The following KANK1 variants were observed in gnomAD, a reference collection of about 807,000 sequenced individuals.
The protein encoded by KANK1 is KN motif and ankyrin repeat domains 1, also known as KN motif and ankyrin repeat domain-containing protein 1.
A neutral mutation model predicts 106.2 loss-of-function variants in KANK1; 109 were observed. The ratio of observed to expected loss-of-function variants is 1.03; its 90% confidence interval spans 0.88 to 1.20. The LOEUF is 1.20. KANK1 is among the 50% of genes most tolerant of loss of function. KANK1 has a pLI of 0.00. For missense variants in KANK1, 2,399 were observed against 1,710.7 expected (o/e 1.40, Z -7.10); for synonymous variants, 873 against 652.2 (o/e 1.34, Z -5.16).
chr9:503,001 ATTTTTTTTTTTTTT>A (rs35195436), upstream of KANK1, among the ~76,000 whole-genome samples: 13 of 70,254 alleles, frequency 1.9e-4, no homozygotes, highest in African/African-American at 5.3e-4. Flanking sequence ...CGCCCAGCTG[ATTTTTTTTTTTTTT>A]TTTTTTTTTT....
intron 2 of KANK1, among the ~76,000 whole-genome samples, chr9:680,393 C>T (rs1817304174): frequency 6.6e-6 from 1 of 152,098 alleles, no homozygotes; most frequent in Non-Finnish European, 1.5e-5. Flanking sequence ...TGGAGTCCCT[C>T]ACGGAGGCTG....
At chr9:648,584 A>G (rs1474122876) in intron 1 of KANK1, among the ~76,000 whole-genome samples, 1 of 152,204 alleles carries the variant, frequency 6.6e-6, no homozygotes, top group Non-Finnish European at 1.5e-5. Flanking sequence ...TGACATCATC[A>G]TCGTACTTGC....
intron 1 of KANK1, among the ~76,000 whole-genome samples, chr9:675,418 G>A (rs941691091): frequency 1.3e-5 from 2 of 152,118 alleles, no homozygotes; most frequent in Non-Finnish European, 2.9e-5. Context: ...AATGGAAATG[G>A]GATTTCTATA....
chr9:573,562 G>T (rs985115762), intron 1 of KANK1, among the ~76,000 whole-genome samples: 1 of 152,094 alleles, frequency 6.6e-6, no homozygotes, highest in Non-Finnish European at 1.5e-5. Context: ...GAGCCACCGC[G>T]CCCGGTCAAG....
At chr9:623,909 C>G (rs570172456) in intron 1 of KANK1, among the ~76,000 whole-genome samples, 1 of 152,028 alleles carries the variant, frequency 6.6e-6, no homozygotes, top group East Asian at 1.9e-4. Flanking sequence ...ATTAGTATGT[C>G]AAAGAGATAT....
intron 1 of KANK1, among the ~76,000 whole-genome samples, chr9:542,107 G>GGACAAAAAAAAAAAATGAACAA (rs2060639554): frequency 6.6e-6 from 1 of 151,586 alleles, no homozygotes; most frequent in African/African-American, 2.4e-5. Flanking sequence ...AAAATGAACA[G>GGACAAAAAAAAAAAATGAACAA]AGGACCTTAA....
chr9:484,926 T>C (rs2132218885), intron 3 of KANK1, among the ~76,000 whole-genome samples: 1 of 143,026 alleles, frequency 7.0e-6, no homozygotes, highest in East Asian at 1.9e-4. Context: ...ACATCTGCCA[T>C]GGAGAATGCA....
chr9:515,754 T>G (rs1347693396), intron 1 of KANK1, among the ~76,000 whole-genome samples: 1 of 151,792 alleles, frequency 6.6e-6, no homozygotes, highest in Non-Finnish European at 1.5e-5. Context: ...TTTTAAAGGG[T>G]TTTAAAAAGG....
chr9:691,611 A>ATTTTTTTTTTTTTT lies in KANK1; in HGVS notation c.37+14608_37+14621dup, dbSNP rs767618077. On this transcript the variant is annotated intron_variant, in intron 2 of 11. Transcript: ENST00000382297. ...AATAATGTAACTAAATAATACCAGA[A>ATTTTTTTTTTTTTT]TTTTTTTTTTTTTTTTTTTGAGACC... Among the ~76,000 whole-genome samples the ATTTTTTTTTTTTTT allele has an allele frequency of 2.5e-3, 180 of 71,034 alleles. 5 individuals are homozygous for ATTTTTTTTTTTTTT. The highest frequency in any genetic ancestry group is 7.9e-3 in the African/African-American group (171 of 21,584). The allele number at this position is 71,034 out of a possible 152,430, so 46.6% of individuals were successfully genotyped here. A position where few individuals can be genotyped will look rare whatever the true frequency, so the allele number is the denominator to read the frequency against.
At chr9:656,969 A>G (rs1388242017) in intron 1 of KANK1, among the ~76,000 whole-genome samples, 2 of 152,154 alleles carry the variant, frequency 1.3e-5, no homozygotes, top group Non-Finnish European at 2.9e-5. Context: ...TGTATGCACA[A>G]TGCCATGACA....
chr9:641,651 A>G (rs948599043), intron 1 of KANK1, among the ~76,000 whole-genome samples: 6 of 152,212 alleles, frequency 3.9e-5, no homozygotes, highest in African/African-American at 1.4e-4. Context: ...TGGAGGAATG[A>G]TTCAGTGAGA....
intron 1 of KANK1, among the ~76,000 whole-genome samples, chr9:522,530 T>C (rs141664187): frequency 1.3e-5 from 2 of 151,692 alleles, no homozygotes; most frequent in Non-Finnish European, 2.9e-5. Context: ...AGGCATTCTT[T>C]TTGAGCCCTT....
chr9:567,275 G>A (rs892877487), intron 1 of KANK1, among the ~76,000 whole-genome samples: 1 of 152,180 alleles, frequency 6.6e-6, no homozygotes, highest in Admixed American at 6.5e-5. Flanking sequence ...GTTGGGTAGT[G>A]TAATGCCTCC....
Position 676,888 on chromosome 9 carries a change from A to G in KANK1, c.-83-2A>G. 9.8e-7 allele frequency: 1 copy of G among 1,019,002 alleles called. No individual in the cohort carries two copies. Among genetic ancestry groups the G allele is most frequent in the Non-Finnish European group, 1.5e-6 (1 of 653,084 alleles). 63.1% of individuals were successfully genotyped at this position (1,019,002 alleles called of 1,614,324 possible). On this transcript the variant is annotated splice_acceptor_variant, in intron 1 of 11. Transcript: ENST00000382297. LOFTEE classifies it low-confidence loss of function (5UTR_SPLICE). ...TTGATGGGGCTCTCTTTATTGTTTC[A>G]GGTTGAATGCCTTTGAGAACTTGAT...
chr9:513,597 T>C (rs2059128093), intron 1 of KANK1, among the ~76,000 whole-genome samples: 1 of 152,220 alleles, frequency 6.6e-6, no homozygotes, highest in African/African-American at 2.4e-5. Context: ...TCTTTTGATA[T>C]TTGTCTTACT....
chr9:567,486 A>G (rs968015485), intron 1 of KANK1, among the ~76,000 whole-genome samples: 1 of 152,234 alleles, frequency 6.6e-6, no homozygotes, highest in African/African-American at 2.4e-5. Flanking sequence ...ATGCCCAGGA[A>G]TGACGAAGGA....
Position 710,723 on chromosome 9 carries a change from G to A in KANK1, c.38-81G>A, listed in dbSNP as rs1186357923. Reference sequence around the variant, plus strand: ...ACTCTTAAAATCATACCAGCTTGCTGTACTGCAACAAACACAAATATTAGT... The same window carrying A: ...ACTCTTAAAATCATACCAGCTTGCTATACTGCAACAAACACAAATATTAGT... On this transcript the variant is annotated intron_variant, in intron 2 of 11. Transcript: ENST00000382297. 1.4e-5 allele frequency: 18 copies of A among 1,321,984 alleles called. No homozygotes were observed. In the Admixed American group the frequency reaches 1.4e-4, roughly 10 times the overall value. 81.9% of individuals were successfully genotyped at this position (1,321,984 alleles called of 1,614,324 possible).
At chr9:624,569 T>C (rs1833905256) in intron 1 of KANK1, among the ~76,000 whole-genome samples, 1 of 152,092 alleles carries the variant, frequency 6.6e-6, no homozygotes, top group African/African-American at 2.4e-5. Flanking sequence ...TTTGAGAGGC[T>C]GAGGTGGGTG....
Position 676,911 on chromosome 9 carries a change from G to T in KANK1, c.-62G>T. ...TCAGGTTGAATGCCTTTGAGAACTT[G>T]ATGCATAAAATTTGCATGACTCCTC... On this transcript the variant is annotated 5_prime_UTR_variant, in exon 2 of 12. It removes the in-frame stop codon of an upstream open reading frame in the 5' UTR. Coordinates refer to ENST00000382297, the MANE Select transcript of KANK1 (RefSeq NM_015158.5). 1 of 1,354,346 alleles carries T rather than the reference G, an allele frequency of 7.4e-7. No individual in the cohort carries two copies. The highest frequency in any genetic ancestry group is 1.1e-6 in the Non-Finnish European group (1 of 952,326). The allele number at this position is 1,354,346 out of a possible 1,614,324, so 83.9% of individuals were successfully genotyped here.
Sources: gnomAD v4.1 joint callset for allele counts (sites outside exome capture counted in the v4.1 genomes callset) on GRCh38, gnomAD v4.1.1 for gene constraint, MANE v1.5 for transcripts, NCBI Gene and HGNC (gene_info 2026-07-23, HGNC 2026-07-21) for gene names.